The following PTPRD variants were observed in gnomAD, a reference collection of about 807,000 sequenced individuals.
PTPRD encodes the protein protein tyrosine phosphatase receptor type D.
PTPRD carries 34 observed loss-of-function variants against 214.5 expected under a neutral mutation model. That is an observed-to-expected ratio of 0.16 (90% CI 0.12 to 0.21). The LOEUF (loss-of-function observed/expected upper bound fraction) is 0.21. Ranked by LOEUF, PTPRD falls within the 10% of genes least tolerant of loss-of-function variation. The probability of loss-of-function intolerance (pLI) is 1.00; values close to 1 mark genes in which losing one functional copy is unlikely to be tolerated. For missense variants in PTPRD, 2,545 were observed against 2,398.7 expected (o/e 1.06, Z -1.27); for synonymous variants, 1,128 against 845.7 (o/e 1.33, Z -5.79).
At chr9:9,302,253 G>C (rs528222336) in intron 9 of PTPRD, among the ~76,000 whole-genome samples, 1 of 151,796 alleles carries the variant, frequency 6.6e-6, no homozygotes, top group African/African-American at 2.4e-5. Context: ...GGCCCTATCT[G>C]ACAGGAATTA....
At chr9:9,455,994 T>G (rs1333426568) in intron 8 of PTPRD, among the ~76,000 whole-genome samples, 4 of 151,928 alleles carry the variant, frequency 2.6e-5, no homozygotes. Flanking sequence ...TATTACTACT[T>G]GCCATATTTA....
chr9:8,446,747 A>C (rs2095744564), intron 34 of PTPRD, among the ~76,000 whole-genome samples: 2 of 152,166 alleles, frequency 1.3e-5, no homozygotes, highest in African/African-American at 4.8e-5. Context: ...TAATTTAAAA[A>C]CCTAAAAATT....
chr9:10,448,087 T>A (rs1336956858), intron 2 of PTPRD, among the ~76,000 whole-genome samples: 1 of 152,028 alleles, frequency 6.6e-6, no homozygotes, highest in Non-Finnish European at 1.5e-5. Flanking sequence ...GCCCCAAATA[T>A]AATTGAATTA....
chr9:10,006,713 A>G (rs907024523), intron 4 of PTPRD, among the ~76,000 whole-genome samples: 7 of 151,938 alleles, frequency 4.6e-5, no homozygotes, highest in Non-Finnish European at 4.4e-5. Flanking sequence ...GATTTCTTCT[A>G]TGTTTCTTAC....
At chr9:9,496,511 C>G (rs899644813) in intron 8 of PTPRD, among the ~76,000 whole-genome samples, 2 of 152,034 alleles carry the variant, frequency 1.3e-5, no homozygotes, top group African/African-American at 4.8e-5. Flanking sequence ...CAAACCCAAA[C>G]TACAATGAGA....
chr9:10,232,877 G>A (rs572130923), intron 3 of PTPRD, among the ~76,000 whole-genome samples: 4 of 152,030 alleles, frequency 2.6e-5, no homozygotes, highest in African/African-American at 4.8e-5. Context: ...TATGCCATAC[G>A]TTTTATGTGA....
chr9:9,229,568 G>C (rs1188567257), intron 9 of PTPRD, among the ~76,000 whole-genome samples: 1 of 152,030 alleles, frequency 6.6e-6, no homozygotes, highest in Admixed American at 6.6e-5. Context: ...AAAACTTATG[G>C]CTCCTTTGAC....
At position 10,502,878 on chromosome 9, in the gene PTPRD, C is replaced by T. The variant is rs543403544; in HGVS notation, c.-600+109520G>A. ...AGATAATTTATATGGTTAATTCCTT[C>T]TCTAAAACATTCTAACATATTGATA... is the stretch of plus-strand genomic sequence containing the variant. On this transcript the variant is annotated intron_variant, in intron 2 of 45. Coordinates refer to ENST00000381196, the MANE Select transcript of PTPRD (RefSeq NM_002839.4). Among the ~76,000 whole-genome samples the T allele has an allele frequency of 1.6e-3, 245 of 152,162 alleles. 1 individual carries two copies. The highest frequency in any genetic ancestry group is 2.6e-3 in the Non-Finnish European group (179 of 67,930).
chr9:9,807,910 G>C (rs746358691), intron 5 of PTPRD, among the ~76,000 whole-genome samples: 7 of 152,100 alleles, frequency 4.6e-5, no homozygotes, highest in Non-Finnish European at 8.8e-5. Flanking sequence ...ATAACCCTAA[G>C]AGCAGTTTTT....
intron 2 of PTPRD, among the ~76,000 whole-genome samples, chr9:10,395,095 T>A (rs1379823603): frequency 6.6e-6 from 1 of 151,442 alleles, no homozygotes; most frequent in Non-Finnish European, 1.5e-5. Context: ...CTGCAGGCTT[T>A]CTTTTTATTA....
chr9:10,008,377 G>A (rs1301268912), intron 4 of PTPRD, among the ~76,000 whole-genome samples: 1 of 151,910 alleles, frequency 6.6e-6, no homozygotes, highest in East Asian at 1.9e-4. Flanking sequence ...ACCAACTGTG[G>A]ACCAGCTGTG....
At chr9:9,080,219 G>C (rs926525747) in intron 10 of PTPRD, among the ~76,000 whole-genome samples, 1 of 152,010 alleles carries the variant, frequency 6.6e-6, no homozygotes, top group South Asian at 2.1e-4. Context: ...ACTTATCCAA[G>C]TTTACACATG....
intron 2 of PTPRD, among the ~76,000 whole-genome samples, chr9:10,523,718 T>C (rs1468404416): frequency 1.3e-5 from 2 of 149,116 alleles, no homozygotes; most frequent in Non-Finnish European, 3.0e-5. Flanking sequence ...GGTGAAATTT[T>C]ACATAAATGG....
chr9:9,433,048 G>A (rs2083842374), intron 8 of PTPRD, among the ~76,000 whole-genome samples: 1 of 152,184 alleles, frequency 6.6e-6, no homozygotes, highest in African/African-American at 2.4e-5. Context: ...GTATAAGAGT[G>A]TGTGTGTTAG....
At chr9:10,508,496 C>T (rs12340285) in intron 2 of PTPRD, among the ~76,000 whole-genome samples, 7,267 of 152,138 alleles carry the variant, frequency 0.048, 263 homozygotes, top group East Asian at 0.16. Flanking sequence ...CACATGCACA[C>T]GTATGTTTAT....
intron 11 of PTPRD, among the ~76,000 whole-genome samples, chr9:8,774,160 A>C (rs2095360470): frequency 2.0e-5 from 3 of 152,224 alleles, no homozygotes; most frequent in Admixed American, 6.5e-5. Flanking sequence ...CAGGGTGTCA[A>C]AAAGTTGGGG....
intron 11 of PTPRD, among the ~76,000 whole-genome samples, chr9:8,868,872 A>T (rs1240110133): frequency 1.3e-5 from 2 of 152,142 alleles, no homozygotes; most frequent in Non-Finnish European, 2.9e-5. Flanking sequence ...TGAACTATGC[A>T]CTATCAAGTC....
intron 9 of PTPRD, among the ~76,000 whole-genome samples, chr9:9,273,479 T>C (rs1198078353): frequency 1.3e-5 from 2 of 151,358 alleles, no homozygotes; most frequent in Non-Finnish European, 3.0e-5. Context: ...CTGCCTTTTA[T>C]CTTTCTTATA....
intron 2 of PTPRD, among the ~76,000 whole-genome samples, chr9:10,535,851 A>T (rs2057656717): frequency 6.6e-6 from 1 of 152,110 alleles, no homozygotes; most frequent in Non-Finnish European, 1.5e-5. Context: ...ATGTCCCAAG[A>T]TACCCTTTTA....
Sources: gnomAD v4.1 joint callset for allele counts (sites outside exome capture counted in the v4.1 genomes callset) on GRCh38, gnomAD v4.1.1 for gene constraint, MANE v1.5 for transcripts, NCBI Gene and HGNC (gene_info 2026-07-23, HGNC 2026-07-21) for gene names.